Variants in OR51B5 observed in about 807,000 individuals in gnomAD.
OR51B5 encodes the protein olfactory receptor 51B5.
For synonymous variants in OR51B5, 186 were observed against 144.8 expected (o/e 1.28, Z -2.04); for missense variants, 456 against 374.6 (o/e 1.22, Z -1.79).
rs1234492103 is a variant in OR51B5, at chr11:5,396,835, A to G, written n.85-49925T>C. On this transcript the variant is annotated intron_variant and non_coding_transcript_variant, in intron 1 of 4. Transcript: ENST00000415970. ...AAGGCTACAGTAACCAAAACAGCAT[A>G]GTACTGGTACCAAAACAGAGATATA... is the stretch of plus-strand genomic sequence containing the variant. 5.3e-5 allele frequency among the ~76,000 whole-genome samples: 8 copies of G among 152,296 alleles called. No homozygotes were observed. The South Asian group carries it at 8.3e-4, about 16-fold the overall frequency.
chr11:5,367,418 T>C (rs1456743836), intron 1 of OR51B5, among the ~76,000 whole-genome samples: 1 of 152,206 alleles, frequency 6.6e-6, no homozygotes, highest in African/African-American at 2.4e-5. Context: ...TATTTATTGA[T>C]GATATGCTAA....
At position 5,440,610 on chromosome 11, in the gene OR51B5, C is replaced by T. The variant is rs201225622; in HGVS notation, n.84+64959G>A. Reference sequence around the variant, plus strand: ...ATGGAAGAACTTGAGAATCCCTTTGCGGATCTCCTTGGTTTTCACACTGTA... The same window carrying T: ...ATGGAAGAACTTGAGAATCCCTTTGTGGATCTCCTTGGTTTTCACACTGTA... On this transcript the variant is annotated intron_variant and non_coding_transcript_variant, in intron 1 of 4. Coordinates refer to the OR51B5 transcript ENST00000415970. 108 of 1,613,616 alleles carry T rather than the reference C, an allele frequency of 6.7e-5. 2 individuals are homozygous for T. The highest frequency in any genetic ancestry group is 7.6e-5 in the Non-Finnish European group (90 of 1,179,694).
At chr11:5,443,210 T>G (rs1850716453) in intron 1 of OR51B5, among the ~76,000 whole-genome samples, 1 of 152,172 alleles carries the variant, frequency 6.6e-6, no homozygotes, top group South Asian at 2.1e-4. Flanking sequence ...ATTATTTTTC[T>G]CATTTTAGAG....
At chr11:5,357,314 G>T (rs914568747) in intron 1 of OR51B5, among the ~76,000 whole-genome samples, 4 of 151,550 alleles carry the variant, frequency 2.6e-5, no homozygotes, top group Non-Finnish European at 4.4e-5. Flanking sequence ...AAAAAAGGCA[G>T]GGGTTGCAAT....
At chr11:5,373,914 C>G (rs530323332) in intron 1 of OR51B5, among the ~76,000 whole-genome samples, 1 of 152,126 alleles carries the variant, frequency 6.6e-6, no homozygotes, top group Non-Finnish European at 1.5e-5. Flanking sequence ...CACAGACAAA[C>G]AAAAAGACAG....
At chr11:5,357,166 A>C (rs564520814) in intron 1 of OR51B5, among the ~76,000 whole-genome samples, 1 of 152,304 alleles carries the variant, frequency 6.6e-6, no homozygotes, top group African/African-American at 2.4e-5. Context: ...CTCCAGTAAA[A>C]AGACACAGAC....
At chr11:5,389,305 G>T in intron 1 of OR51B5, 1 of 1,200,890 alleles carries the variant, frequency 8.3e-7, no homozygotes, top group South Asian at 1.4e-5. Context: ...AGGTGATGAT[G>T]ACCATGGTAC....
chr11:5,495,716 T>C (rs1822265728), intron 1 of OR51B5, among the ~76,000 whole-genome samples: 1 of 152,144 alleles, frequency 6.6e-6, no homozygotes, highest in Admixed American at 6.5e-5. Flanking sequence ...AACAAAATAA[T>C]GATAGTAAGT....
At chr11:5,465,233 G>A (rs1171683373) in intron 1 of OR51B5, among the ~76,000 whole-genome samples, 2 of 127,522 alleles carry the variant, frequency 1.6e-5, no homozygotes, top group Non-Finnish European at 3.4e-5. Flanking sequence ...AAAAAAAAGT[G>A]TTCCTATTTC....
intron 1 of OR51B5, among the ~76,000 whole-genome samples, chr11:5,432,043 TC>T (rs1219810371): frequency 6.6e-6 from 1 of 152,228 alleles, no homozygotes; most frequent in Non-Finnish European, 1.5e-5. Context: ...CAAATTCCTC[TC>T]TTTTAGCTAC....
intron 1 of OR51B5, among the ~76,000 whole-genome samples, chr11:5,367,353 G>C (rs1849385507): frequency 6.6e-6 from 1 of 152,094 alleles, no homozygotes; most frequent in African/African-American, 2.4e-5. Flanking sequence ...GTAAAATAAT[G>C]GCTACCCTAT....
intron 1 of OR51B5, among the ~76,000 whole-genome samples, chr11:5,461,540 G>A (rs2736572): frequency 0.013 from 1,945 of 152,214 alleles, 45 homozygotes; most frequent in African/African-American, 0.045. Context: ...TGCTAACTAA[G>A]GCTAAAGTCA....
intron 1 of OR51B5, chr11:5,440,983 G>A: frequency 6.2e-7 from 1 of 1,614,002 alleles, no homozygotes; most frequent in Non-Finnish European, 8.5e-7. Flanking sequence ...CAGTAGGAGT[G>A]ATGCAAAACA....
Position 5,415,049 on chromosome 11 carries a change from A to G in OR51B5, n.85-68139T>C, listed in dbSNP as rs568761096. The stretch of plus-strand genomic sequence containing the variant: ...AGTAAAGCTCTCCTCAGCAAATGTA[A>G]AAGAACAGAAATTATAACAAACTAT... On this transcript the variant is annotated intron_variant and non_coding_transcript_variant, in intron 1 of 4. Transcript: ENST00000415970. 1.6e-4 allele frequency among the ~76,000 whole-genome samples: 25 copies of G among 152,182 alleles called. 1 individual carries two copies. In the South Asian group the frequency reaches 3.1e-3, roughly 19 times the overall value.
intron 1 of OR51B5, chr11:5,453,463 G>C (rs549065495): frequency 6.7e-7 from 1 of 1,487,698 alleles, no homozygotes; most frequent in African/African-American, 1.4e-5. Flanking sequence ...ATCTGACTCT[G>C]AAAAGTACCC....
chr11:5,342,440 A>C, downstream of OR51B5: 1 of 990,924 alleles, frequency 1.0e-6, no homozygotes, highest in Non-Finnish European at 1.4e-6. Flanking sequence ...GGGCTTAAAG[A>C]GATACCTTAG....
At chr11:5,414,898 C>G (rs1272289725) in intron 1 of OR51B5, among the ~76,000 whole-genome samples, 1 of 152,142 alleles carries the variant, frequency 6.6e-6, no homozygotes, top group Non-Finnish European at 1.5e-5. Context: ...TACACAGGAA[C>G]TGAACTCAGC....
chr11:5,345,364 TGAAAAAAA>T (rs1357203838), upstream of OR51B5, among the ~76,000 whole-genome samples: 3 of 151,658 alleles, frequency 2.0e-5, no homozygotes, highest in African/African-American at 7.3e-5. Context: ...GCAGGGGAAA[TGAAAAAAA>T]GAGAAAAATA....
chr11:5,427,046 C>T (rs1411832372), intron 1 of OR51B5, among the ~76,000 whole-genome samples: 1 of 152,210 alleles, frequency 6.6e-6, no homozygotes, highest in Non-Finnish European at 1.5e-5. Flanking sequence ...TCCCCCAAAG[C>T]ACAGAGGAAC....
Sources: allele counts gnomAD v4.1 joint callset (sites outside exome capture counted in the v4.1 genomes callset), GRCh38; gene constraint gnomAD v4.1.1; transcripts MANE v1.5; gene names NCBI Gene and HGNC (gene_info 2026-07-23, HGNC 2026-07-21).